Variants in CSMD1 observed in about 807,000 individuals in gnomAD.
CSMD1 encodes CUB and sushi domain-containing protein 1.
CSMD1 carries 213 observed loss-of-function variants against 417.5 expected under a neutral mutation model. That is an observed-to-expected ratio of 0.51 (90% CI 0.46 to 0.57). The LOEUF (loss-of-function observed/expected upper bound fraction) is 0.57, where lower values mean the gene tolerates loss of function less well. CSMD1 is among the 20% of genes least tolerant of loss of function. The probability of loss-of-function intolerance (pLI) is 0.00; values close to 1 mark genes in which losing one functional copy is unlikely to be tolerated. For synonymous variants in CSMD1, 2,862 were observed against 1,736.8 expected (o/e 1.65, Z -16.11); for missense variants, 6,923 against 4,529.7 (o/e 1.53, Z -15.17).
At chr8:3,995,296 G>T (rs1464631975) in intron 5 of CSMD1, among the ~76,000 whole-genome samples, 1 of 152,206 alleles carries the variant, frequency 6.6e-6, no homozygotes, top group East Asian at 1.9e-4. Flanking sequence ...AAAGCTGAGA[G>T]TTCCACTTAA....
chr8:3,411,854 ATATG>A (rs1812755663), intron 12 of CSMD1, among the ~76,000 whole-genome samples: 1 of 138,326 alleles, frequency 7.2e-6, no homozygotes, highest in Non-Finnish European at 1.6e-5. Flanking sequence ...ATGCACGTAT[ATATG>A]CACGTATATA....
chr8:4,747,374 C>A (rs1266546009), intron 1 of CSMD1, among the ~76,000 whole-genome samples: 1 of 152,122 alleles, frequency 6.6e-6, no homozygotes, highest in Non-Finnish European at 1.5e-5. Context: ...ATACGGTTTT[C>A]ATGGCGAGAC....
intron 12 of CSMD1, among the ~76,000 whole-genome samples, chr8:3,448,431 G>GAAGGGAGGGAGGAAGA (rs1815473236): frequency 2.3e-5 from 1 of 43,672 alleles, no homozygotes; most frequent in South Asian, 7.5e-4. Flanking sequence ...AAGGAAGAAG[G>GAAGGGAGGGAGGAAGA]AGCAATGAAG....
At chr8:4,420,379 T>C (rs2128939958) in intron 2 of CSMD1, among the ~76,000 whole-genome samples, 1 of 152,042 alleles carries the variant, frequency 6.6e-6, no homozygotes, top group East Asian at 1.9e-4. Flanking sequence ...TTTTTTTTTA[T>C]TTGAATTTTT....
chr8:3,943,410 G>GTT (rs796811228), intron 5 of CSMD1, among the ~76,000 whole-genome samples: 13 of 96,974 alleles, frequency 1.3e-4, no homozygotes, highest in Admixed American at 7.4e-4. Context: ...CTTATAAGTT[G>GTT]TTTTTTTTTC....
At chr8:3,824,314 T>C (rs1221821714) in intron 5 of CSMD1, among the ~76,000 whole-genome samples, 1 of 151,636 alleles carries the variant, frequency 6.6e-6, no homozygotes, top group African/African-American at 2.4e-5. Context: ...CACAACAGCC[T>C]AGGAATACTG....
At chr8:3,029,219 G>A (rs1810163761) in intron 51 of CSMD1, 100 bp downstream of exon 51, 3 of 878,298 alleles carry the variant, frequency 3.4e-6, no homozygotes, top group South Asian at 4.9e-5. Context: ...ATAGGACTAT[G>A]GTAGATGATA....
intron 1 of CSMD1, among the ~76,000 whole-genome samples, chr8:4,720,786 G>A (rs1042762937): frequency 6.6e-6 from 1 of 152,090 alleles, no homozygotes; most frequent in African/African-American, 2.4e-5. Flanking sequence ...CATACTTTGT[G>A]ACTTAGAATT....
intron 3 of CSMD1, among the ~76,000 whole-genome samples, chr8:4,282,335 AAC>A (rs1036992877): frequency 1.3e-5 from 2 of 152,190 alleles, no homozygotes; most frequent in African/African-American, 2.4e-5. Flanking sequence ...TCAAGATCAT[AAC>A]ACAGATCTTC....
At chr8:4,125,059 A>C (rs1164197000) in intron 3 of CSMD1, among the ~76,000 whole-genome samples, 3 of 151,810 alleles carry the variant, frequency 2.0e-5, no homozygotes, top group African/African-American at 7.3e-5. Flanking sequence ...CAGCTGTAAC[A>C]CTCGCCGCTG....
chr8:4,271,741 T>C (rs1374762890), intron 3 of CSMD1, among the ~76,000 whole-genome samples: 1 of 152,210 alleles, frequency 6.6e-6, no homozygotes, highest in Non-Finnish European at 1.5e-5. Context: ...ATATGATTAA[T>C]ATACTTATAC....
intron 3 of CSMD1, among the ~76,000 whole-genome samples, chr8:4,207,227 G>A (rs539669387): frequency 3.5e-4 from 54 of 152,252 alleles, no homozygotes; most frequent in Admixed American, 1.3e-3. Flanking sequence ...TGTATAACAT[G>A]CAAATATAGC....
At chr8:3,762,243 G>T (rs144330977) in intron 5 of CSMD1, among the ~76,000 whole-genome samples, 2 of 152,080 alleles carry the variant, frequency 1.3e-5, no homozygotes, top group Non-Finnish European at 2.9e-5. Context: ...CATCCCATGC[G>T]CTGTCCCTTA....
At chr8:4,233,983 G>C (rs1400676262) in intron 3 of CSMD1, among the ~76,000 whole-genome samples, 2 of 151,970 alleles carry the variant, frequency 1.3e-5, no homozygotes, top group South Asian at 4.1e-4. Flanking sequence ...GGGGGTGGGG[G>C]AACATGTGAT....
rs181410577 is a variant in CSMD1 at position 4,237,813 on chromosome 8, C to T, written c.415+182140G>A. The stretch of plus-strand genomic sequence containing the variant: ...TAGACATGGGCCACAGTACCTGGCC[C>T]AAAAATAATTTTTAAAAAGGGAAGC... On this transcript the variant is annotated intron_variant, in intron 3 of 69. Coordinates refer to ENST00000635120, the MANE Select transcript of CSMD1 (RefSeq NM_033225.6). 2.1e-3 allele frequency among the ~76,000 whole-genome samples: 313 copies of T among 152,248 alleles called. 3 individuals are homozygous for T. The highest frequency in any genetic ancestry group is 3.9e-3 in the Non-Finnish European group (266 of 68,010).
chr8:4,886,758 T>G (rs1201197066), intron 1 of CSMD1, among the ~76,000 whole-genome samples: 1 of 152,032 alleles, frequency 6.6e-6, no homozygotes, highest in Non-Finnish European at 1.5e-5. Context: ...TCTAAAAAAA[T>G]TTATTTTACC....
chr8:3,919,790 G>T (rs1158557856), intron 5 of CSMD1, among the ~76,000 whole-genome samples: 2 of 151,922 alleles, frequency 1.3e-5, no homozygotes, highest in African/African-American at 4.8e-5. Flanking sequence ...CCATTTGTTT[G>T]TGTTTTCAAT....
chr8:4,059,833 G>A (rs988934500), intron 3 of CSMD1, among the ~76,000 whole-genome samples: 1 of 149,980 alleles, frequency 6.7e-6, no homozygotes, highest in Non-Finnish European at 1.5e-5. Context: ...TCCAGGACCA[G>A]ATGGATTCAC....
intron 52 of CSMD1, among the ~76,000 whole-genome samples, chr8:3,000,563 G>T (rs909896624): frequency 6.6e-6 from 1 of 152,146 alleles, no homozygotes; most frequent in African/African-American, 2.4e-5. Context: ...AGATAGACTA[G>T]ATAATCAAAT....
Sources: gnomAD v4.1 joint callset for allele counts (sites outside exome capture counted in the v4.1 genomes callset) on GRCh38, gnomAD v4.1.1 for gene constraint, MANE v1.5 for transcripts, NCBI Gene and HGNC (gene_info 2026-07-23, HGNC 2026-07-21) for gene names.